Variants in CDKAL1 observed in about 807,000 individuals in gnomAD.
CDKAL1 encodes the protein CDKAL1 threonylcarbamoyladenosine tRNA methylthiotransferase.
Under a neutral mutation model 68.2 loss-of-function variants are expected in CDKAL1, and 32 were observed. The observed-to-expected ratio is 0.47, with a 90% confidence interval of 0.35 to 0.63. The LOEUF (loss-of-function observed/expected upper bound fraction) is 0.63. Among genes scored for constraint, CDKAL1 ranks in the 30% least tolerant of loss-of-function variants. CDKAL1 has a pLI of 0.00. For missense variants in CDKAL1, 606 were observed against 696.7 expected, an observed-to-expected ratio of 0.87 and a Z score of 1.47; for synonymous variants, 234 against 244.3, an observed-to-expected ratio of 0.96 and a Z score of 0.39.
intron 15 of CDKAL1, among the ~76,000 whole-genome samples, chr6:21,202,981 G>A (rs1778750238): frequency 6.6e-6 from 1 of 152,142 alleles, no homozygotes; most frequent in South Asian, 2.1e-4. Context: ...TGTAGCATGA[G>A]GCCAGTGGGG....
At chr6:20,831,175 A>G (rs1020948317) in intron 8 of CDKAL1, among the ~76,000 whole-genome samples, 11 of 152,186 alleles carry the variant, frequency 7.2e-5, no homozygotes, top group African/African-American at 2.4e-4. Context: ...CATTTTTGCC[A>G]ACGAGAAGTG....
At chr6:21,008,571 T>A (rs1204568493) in intron 11 of CDKAL1, among the ~76,000 whole-genome samples, 1 of 152,146 alleles carries the variant, frequency 6.6e-6, no homozygotes, top group Non-Finnish European at 1.5e-5. Context: ...CAAAAAATAT[T>A]GTTAGATTGC....
chr6:20,655,133 T>A (rs1295119781), intron 5 of CDKAL1, among the ~76,000 whole-genome samples: 2 of 152,246 alleles, frequency 1.3e-5, no homozygotes, highest in Admixed American at 6.5e-5. Context: ...TCCAGTGCGT[T>A]AAGAAAATAA....
At chr6:20,781,320 T>G in intron 8 of CDKAL1, 55 bp downstream of exon 8, 3 of 1,456,618 alleles carry the variant, frequency 2.1e-6, no homozygotes, top group Non-Finnish European at 2.8e-6. Context: ...ATGAATTCAG[T>G]TTTTTTTTCT....
intron 11 of CDKAL1, among the ~76,000 whole-genome samples, chr6:21,043,629 C>A (rs574050649): frequency 1.3e-5 from 2 of 152,336 alleles, no homozygotes; most frequent in East Asian, 1.9e-4. Flanking sequence ...TTCATCATCC[C>A]TATTTTAGTG....
At chr6:21,189,992 C>T (rs950246265) in intron 13 of CDKAL1, among the ~76,000 whole-genome samples, 1 of 152,110 alleles carries the variant, frequency 6.6e-6, no homozygotes, top group Non-Finnish European at 1.5e-5. Flanking sequence ...GTAATTACAG[C>T]GGTTCACTGG....
At chr6:20,882,840 A>G (rs1489844152) in intron 9 of CDKAL1, among the ~76,000 whole-genome samples, 1 of 152,138 alleles carries the variant, frequency 6.6e-6, no homozygotes, top group Non-Finnish European at 1.5e-5. Flanking sequence ...ACTTATTGTG[A>G]TATGTTCTTT....
At chr6:20,746,873 A>ATATC (rs1773684923) in intron 6 of CDKAL1, among the ~76,000 whole-genome samples, 1 of 152,130 alleles carries the variant, frequency 6.6e-6, no homozygotes, top group Non-Finnish European at 1.5e-5. Context: ...AGAGCACCTA[A>ATATC]TATCTACTCT....
rs565979721 is a variant in CDKAL1 at position 21,186,114 on chromosome 6, T to C, written c.1300-11907T>C. Among the ~76,000 whole-genome samples, 3 of 152,244 alleles carry C rather than the reference T, an allele frequency of 2.0e-5. No homozygotes were observed. The East Asian group carries it at 5.8e-4, about 29-fold the overall frequency. ...TCAGGAGAGAATAATTGTTATTCAG[T>C]CTTCTTTAATGAGATGTATTGCCCA... On this transcript the variant is annotated intron_variant, in intron 13 of 15. Coordinates refer to ENST00000274695, the MANE Select transcript of CDKAL1 (RefSeq NM_017774.3).
chr6:20,583,575 T>C (rs986540879), intron 4 of CDKAL1, among the ~76,000 whole-genome samples: 3 of 151,984 alleles, frequency 2.0e-5, no homozygotes, highest in Non-Finnish European at 4.4e-5. Context: ...GTGGGAGTGG[T>C]GGTAGAACGT....
intron 11 of CDKAL1, among the ~76,000 whole-genome samples, chr6:21,008,688 G>A (rs1239728825): frequency 6.6e-6 from 1 of 152,076 alleles, no homozygotes; most frequent in Non-Finnish European, 1.5e-5. Context: ...CCAGTTCCTT[G>A]CACAGTGCTT....
intron 5 of CDKAL1, among the ~76,000 whole-genome samples, chr6:20,709,498 A>T (rs900933877): frequency 6.6e-6 from 1 of 152,098 alleles, no homozygotes; most frequent in Non-Finnish European, 1.5e-5. Flanking sequence ...AGCATTTCAG[A>T]TAAGGGATCC....
At chr6:20,735,471 T>C (rs1301341183) in intron 5 of CDKAL1, among the ~76,000 whole-genome samples, 1 of 152,080 alleles carries the variant, frequency 6.6e-6, no homozygotes, top group East Asian at 1.9e-4. Flanking sequence ...CTTACTATCA[T>C]GAGAACAGCA....
At chr6:20,713,390 A>C (rs186657965) in intron 5 of CDKAL1, among the ~76,000 whole-genome samples, 166 of 152,314 alleles carry the variant, frequency 1.1e-3, no homozygotes, top group African/African-American at 3.8e-3. Context: ...ATTATTTAAA[A>C]ATGATACCAC....
At chr6:20,971,363 T>C (rs1393341969) in intron 10 of CDKAL1, among the ~76,000 whole-genome samples, 1 of 152,224 alleles carries the variant, frequency 6.6e-6, no homozygotes, top group Non-Finnish European at 1.5e-5. Context: ...TTCCAAAAGC[T>C]GTGCACATCA....
intron 13 of CDKAL1, among the ~76,000 whole-genome samples, chr6:21,117,752 G>A (rs532557094): frequency 8.3e-4 from 127 of 152,194 alleles, no homozygotes; most frequent in African/African-American, 3.0e-3. Flanking sequence ...ATTGAGGCTC[G>A]AAAGACAAAC....
intron 5 of CDKAL1, among the ~76,000 whole-genome samples, chr6:20,684,567 T>G (rs1357480824): frequency 1.3e-5 from 2 of 152,266 alleles, no homozygotes; most frequent in African/African-American, 4.8e-5. Flanking sequence ...AAGATATGTT[T>G]AGTTTCAGAG....
chr6:21,168,699 G>A (rs966921101), intron 13 of CDKAL1, among the ~76,000 whole-genome samples: 3 of 152,184 alleles, frequency 2.0e-5, no homozygotes, highest in African/African-American at 7.2e-5. Context: ...AATTTGTAAT[G>A]TACTGTCATA....
At chr6:20,932,496 CTT>C (rs1305074229) in intron 9 of CDKAL1, among the ~76,000 whole-genome samples, 1 of 152,108 alleles carries the variant, frequency 6.6e-6, no homozygotes, top group Non-Finnish European at 1.5e-5. Context: ...ACAGAAGAAA[CTT>C]TGGTGTGGGT....
Sources: allele counts gnomAD v4.1 joint callset (sites outside exome capture counted in the v4.1 genomes callset), GRCh38; gene constraint gnomAD v4.1.1; transcripts MANE v1.5; gene names NCBI Gene and HGNC (gene_info 2026-07-23, HGNC 2026-07-21).